Variants in ANKS1A observed in about 807,000 individuals in gnomAD.
ANKS1A encodes the protein ankyrin repeat and sterile alpha motif domain containing 1A.
In ANKS1A, 55 loss-of-function variants were observed where a neutral mutation model predicts 120.3. That is an observed-to-expected ratio of 0.46 (90% CI 0.37 to 0.57). ANKS1A has a LOEUF of 0.57. Ranked by LOEUF, ANKS1A falls within the 20% of genes least tolerant of loss-of-function variation. The pLI, the probability that ANKS1A is intolerant of heterozygous loss-of-function variation, is 0.00. For missense variants in ANKS1A, 1,123 were observed against 1,480.3 expected, an observed-to-expected ratio of 0.76 and a Z score of 3.96; for synonymous variants, 590 against 604.7, an observed-to-expected ratio of 0.98 and a Z score of 0.36.
At position 35,083,145 on chromosome 6, in the gene ANKS1A, G is replaced by T. The variant is rs372869405; in HGVS notation, c.2836-10G>T. On this transcript the variant is annotated splice_polypyrimidine_tract_variant and intron_variant, in intron 18 of 23. Transcript: ENST00000360359. ...GATTTCCTAAGCCTGGCCACTGCTC[G>T]CCCCCACAGTATCTGGGCTCCATGC... 2 of 1,613,538 alleles carry T rather than the reference G, an allele frequency of 1.2e-6. No homozygotes were observed.
At chr6:35,012,308 T>C (rs1445551196) in intron 10 of ANKS1A, among the ~76,000 whole-genome samples, 1 of 152,348 alleles carries the variant, frequency 6.6e-6, no homozygotes, top group East Asian at 1.9e-4. Context: ...CTCAGTCTAT[T>C]TGTCTTATCA....
intron 10 of ANKS1A, among the ~76,000 whole-genome samples, chr6:35,009,281 G>A (rs1773620132): frequency 6.6e-6 from 1 of 152,126 alleles, no homozygotes; most frequent in Admixed American, 6.5e-5. Context: ...ATGAATGGGA[G>A]AAGTATAGAA....
intron 11 of ANKS1A, 55 bp from the exon 12 acceptor site, chr6:35,054,044 T>A (rs1776088185): frequency 5.3e-6 from 8 of 1,507,172 alleles, no homozygotes; most frequent in Non-Finnish European, 7.4e-6. Flanking sequence ...GGTGAGCTGG[T>A]AAGGTTTACC....
At chr6:35,018,852 G>T (rs1362655812) in intron 11 of ANKS1A, among the ~76,000 whole-genome samples, 1 of 152,112 alleles carries the variant, frequency 6.6e-6, no homozygotes, top group Non-Finnish European at 1.5e-5. Context: ...GCCTGAAAAG[G>T]ACACGAGCTC....
chr6:34,989,687 C>T (rs1772408655), intron 9 of ANKS1A, among the ~76,000 whole-genome samples: 1 of 152,168 alleles, frequency 6.6e-6, no homozygotes, highest in African/African-American at 2.4e-5. Context: ...AGCTTTAGTG[C>T]TTCTGCCCCA....
intron 1 of ANKS1A, among the ~76,000 whole-genome samples, chr6:34,923,502 G>A (rs1378148070): frequency 6.6e-6 from 1 of 152,208 alleles, no homozygotes; most frequent in East Asian, 1.9e-4. Context: ...TGTGTGCCAG[G>A]TACAGGCAGA....
chr6:35,094,330 TCGG>T (rs1778395099), downstream of ANKS1A, among the ~76,000 whole-genome samples: 1 of 151,860 alleles, frequency 6.6e-6, no homozygotes. Flanking sequence ...TCCCAGCTAC[TCGG>T]AAGCCTGAGG....
intron 1 of ANKS1A, among the ~76,000 whole-genome samples, chr6:34,947,576 T>G (rs549882881): frequency 2.0e-5 from 3 of 152,350 alleles, no homozygotes; most frequent in Non-Finnish European, 4.4e-5. Context: ...CCTCTTGTTC[T>G]GTGATATATG....
chr6:34,901,243 C>T (rs994393030), intron 1 of ANKS1A, among the ~76,000 whole-genome samples: 3 of 151,442 alleles, frequency 2.0e-5, no homozygotes, highest in African/African-American at 7.3e-5. Context: ...AAACAATTCG[C>T]TCCCTCATTA....
intron 11 of ANKS1A, among the ~76,000 whole-genome samples, chr6:35,020,990 A>G (rs1040434226): frequency 5.9e-5 from 9 of 152,346 alleles, no homozygotes; most frequent in Admixed American, 5.9e-4. Context: ...CTTACGTCCT[A>G]AACATTAACA....
At chr6:34,948,309 T>G (rs1164102268) in intron 1 of ANKS1A, among the ~76,000 whole-genome samples, 1 of 152,202 alleles carries the variant, frequency 6.6e-6, no homozygotes, top group African/African-American at 2.4e-5. Context: ...CAGCAAAATT[T>G]GATCTGTATA....
intron 10 of ANKS1A, among the ~76,000 whole-genome samples, chr6:35,016,779 A>AG (rs11436576): frequency 0.52 from 68,578 of 132,364 alleles, 21,035 homozygotes; most frequent in Non-Finnish European, 0.7. Context: ...AAAAAAAAAA[A>AG]AAAGAGAGAG....
rs1777836590 is a variant in ANKS1A, at chr6:35,084,163, G to A, written c.3037G>A (p.Ala1013Thr). 6.2e-7 allele frequency: 1 copy of A among 1,614,070 alleles called. No homozygotes were observed. The highest frequency in any genetic ancestry group is 1.3e-5 in the African/African-American group (1 of 74,934). Residue 1013 changes from alanine to threonine, a missense_variant, in exon 21 of 24, where the codon GCC becomes ACC. Ala to Thr is a moderately conservative substitution (Grantham distance 58). Transcript: ENST00000360359. The surrounding 1 kb of genome is among the most constrained non-coding windows in gnomAD (Gnocchi z 4.8). ...CGAGATCCGGAACATTTCCTGTGCG[G>A]CCCAGGACCCGGAGGACCTCTGTAC... ...EHEIRNISCAAQDPEDLCTFA... is the reference protein window; with the variant it reads ...EHEIRNISCATQDPEDLCTFA...
chr6:35,010,084 G>A (rs1435102310), intron 10 of ANKS1A, among the ~76,000 whole-genome samples: 1 of 151,864 alleles, frequency 6.6e-6, no homozygotes, highest in Non-Finnish European at 1.5e-5. Context: ...GCTACTTGGA[G>A]GCTGAGGTGG....
At chr6:35,076,327 G>T (rs1173248626) in intron 13 of ANKS1A, among the ~76,000 whole-genome samples, 3 of 152,134 alleles carry the variant, frequency 2.0e-5, no homozygotes, top group Non-Finnish European at 4.4e-5. Context: ...CAGGAGAATG[G>T]CGTCAACCCA....
intron 13 of ANKS1A, among the ~76,000 whole-genome samples, chr6:35,075,528 G>A (rs529020899): frequency 1.3e-5 from 2 of 149,680 alleles, no homozygotes; most frequent in South Asian, 4.2e-4. Flanking sequence ...CGATTCTCCT[G>A]CCTCAGCCTC....
chr6:35,024,318 G>A (rs1384983838), intron 11 of ANKS1A, among the ~76,000 whole-genome samples: 2 of 152,216 alleles, frequency 1.3e-5, no homozygotes, highest in Non-Finnish European at 2.9e-5. Context: ...TCATATTGTG[G>A]TTTGAATGGA....
Position 34,914,172 on chromosome 6 carries a change from T to C in ANKS1A, c.197+24573T>C, listed in dbSNP as rs550874114. 3.0e-4 allele frequency among the ~76,000 whole-genome samples: 39 copies of C among 129,324 alleles called. No homozygotes were observed. In the East Asian group the frequency reaches 0.016, roughly 53 times the overall value. The allele number at this position is 129,324 out of a possible 152,430, so 84.8% of individuals were successfully genotyped here. On this transcript the variant is annotated intron_variant, in intron 1 of 23. Transcript: ENST00000360359. ...TCCTGACCTCGTGATCTGCCCGCCTTGGCCTCCCAAAGTGCTGGGATTACA... is the reference window on the plus strand; with the variant it reads ...TCCTGACCTCGTGATCTGCCCGCCTCGGCCTCCCAAAGTGCTGGGATTACA...
intron 1 of ANKS1A, among the ~76,000 whole-genome samples, chr6:34,949,362 C>T (rs1263109662): frequency 6.6e-6 from 1 of 152,174 alleles, no homozygotes; most frequent in African/African-American, 2.4e-5. Flanking sequence ...GAGGTCCTTA[C>T]TGCATGTCAG....
Sources: gnomAD v4.1 joint callset for allele counts (sites outside exome capture counted in the v4.1 genomes callset) on GRCh38, gnomAD v4.1.1 for gene constraint, Gnocchi (gnomAD v3.1) non-coding constraint, MANE v1.5 for transcripts, NCBI Gene and HGNC (gene_info 2026-07-23, HGNC 2026-07-21) for gene names.